Variants in NTRK2 observed in about 807,000 individuals in gnomAD.
NTRK2 encodes BDNF/NT-3 growth factors receptor.
NTRK2 carries 13 observed loss-of-function variants against 94.5 expected under a neutral mutation model. The ratio of observed to expected loss-of-function variants is 0.14; its 90% CI spans 0.09 to 0.22. The LOEUF (loss-of-function observed/expected upper bound fraction) is 0.22. Ranked by LOEUF, NTRK2 falls within the 10% of genes least tolerant of loss-of-function variation. The pLI is 1.00. For missense variants in NTRK2, 639 were observed against 1,071.2 expected, an observed-to-expected ratio of 0.60 and a Z score of 5.63; for synonymous variants, 372 against 407.4, an observed-to-expected ratio of 0.91 and a Z score of 1.05.
At position 84,723,222 on chromosome 9, in the gene NTRK2, C is replaced by G. The variant is rs185719154; in HGVS notation, c.584-351C>G. 2.4e-3 allele frequency among the ~76,000 whole-genome samples: 365 copies of G among 152,262 alleles called. 2 individuals are homozygous for G. Among genetic ancestry groups the G allele is most frequent in the African/African-American group, 8.0e-3 (333 of 41,558 alleles). ...GGAAATAAAAGACATGATGTCAGTC[C>G]TTATGTACAATCTCTGTTTATGTGC... On this transcript the variant is annotated intron_variant, in intron 6 of 18. Transcript: ENST00000277120.
chr9:84,701,721 G>A (rs7035803), intron 2 of NTRK2, among the ~76,000 whole-genome samples: 1 of 152,266 alleles, frequency 6.6e-6, no homozygotes, highest in Non-Finnish European at 1.5e-5. Context: ...AGGTAAAGGA[G>A]GGAGTGGCTG....
chr9:84,844,643 CCTCACTCA>C (rs1425237989), intron 12 of NTRK2, among the ~76,000 whole-genome samples: 1 of 111,630 alleles, frequency 9.0e-6, no homozygotes, highest in African/African-American at 3.5e-5. Flanking sequence ...CAATGTAATA[CCTCACTCA>C]CACACACACA....
At chr9:84,970,535 T>C (rs770758190) in intron 17 of NTRK2, among the ~76,000 whole-genome samples, 15 of 152,206 alleles carry the variant, frequency 9.9e-5, no homozygotes, top group Non-Finnish European at 2.2e-4. Context: ...TATCTGTGCA[T>C]ACAGAAAGAG....
At chr9:84,833,944 C>A (rs2073723104) in intron 12 of NTRK2, among the ~76,000 whole-genome samples, 1 of 152,140 alleles carries the variant, frequency 6.6e-6, no homozygotes, top group South Asian at 2.1e-4. Flanking sequence ...CAGGAGGATG[C>A]CCGGGTGAGG....
intron 7 of NTRK2, 115 bp from the exon 8 acceptor site, chr9:84,724,109 G>A: frequency 9.0e-7 from 1 of 1,105,600 alleles, no homozygotes; most frequent in Non-Finnish European, 1.4e-6. Context: ...AGGCAGAGAA[G>A]CTTTTCTAAT....
intron 15 of NTRK2, among the ~76,000 whole-genome samples, chr9:84,944,221 A>T (rs949274504): frequency 4.8e-4 from 60 of 124,292 alleles, no homozygotes; most frequent in African/African-American, 1.1e-3. Flanking sequence ...TCTCTCACAC[A>T]CACACACACA....
At chr9:84,708,043 T>G in intron 5 of NTRK2, 131 bp downstream of exon 5, 1 of 739,324 alleles carries the variant, frequency 1.4e-6, no homozygotes, top group Admixed American at 2.0e-5. Flanking sequence ...TTTCTCAAGT[T>G]TCAGTCTCTC....
At chr9:85,007,713 A>C (rs1831125838) in intron 17 of NTRK2, among the ~76,000 whole-genome samples, 1 of 152,222 alleles carries the variant, frequency 6.6e-6, no homozygotes, top group Admixed American at 6.5e-5. Context: ...AGAAAAATGA[A>C]GACCCTCTTA....
intron 11 of NTRK2, among the ~76,000 whole-genome samples, chr9:84,749,735 AG>A (rs2064417245): frequency 2.0e-5 from 3 of 152,204 alleles, no homozygotes; most frequent in African/African-American, 4.8e-5. Flanking sequence ...TTACACATGA[AG>A]ATTATGAGAT....
At chr9:84,923,854 C>T (rs1052212166) in intron 14 of NTRK2, among the ~76,000 whole-genome samples, 6 of 151,836 alleles carry the variant, frequency 4.0e-5, no homozygotes, top group South Asian at 2.1e-4. Flanking sequence ...GAACTGAGAT[C>T]GCGCCACTGC....
chr9:84,799,216 A>C (rs914332943), intron 12 of NTRK2, among the ~76,000 whole-genome samples: 1 of 151,806 alleles, frequency 6.6e-6, no homozygotes, highest in African/African-American at 2.4e-5. Context: ...AATTAGAACA[A>C]GACTTTCATT....
At chr9:84,690,730 T>TA (rs886321791) in intron 2 of NTRK2, among the ~76,000 whole-genome samples, 8 of 150,616 alleles carry the variant, frequency 5.3e-5, no homozygotes, top group East Asian at 1.9e-4. Context: ...AAAAAAAAAA[T>TA]AAAAAAAATG....
rs113935892 is a variant in NTRK2, at chr9:84,739,391, C to T, written c.1160-2501C>T. 5.4e-3 allele frequency among the ~76,000 whole-genome samples: 818 copies of T among 152,270 alleles called. 9 individuals are homozygous for T. Among genetic ancestry groups the T allele is most frequent in the African/African-American group, 0.019 (776 of 41,564 alleles). On this transcript the variant is annotated intron_variant, in intron 9 of 18. Coordinates refer to ENST00000277120, the MANE Select transcript of NTRK2 (RefSeq NM_006180.6). ...GATTATGGGCTAACGTCTTTATTTACGATTGGACCCCAAATCCCATTTTTC... is the reference window on the plus strand; with the variant it reads ...GATTATGGGCTAACGTCTTTATTTATGATTGGACCCCAAATCCCATTTTTC...
At chr9:84,792,226 A>C (rs2068809599) in intron 12 of NTRK2, among the ~76,000 whole-genome samples, 1 of 152,244 alleles carries the variant, frequency 6.6e-6, no homozygotes, top group African/African-American at 2.4e-5. Flanking sequence ...GAGACAGTTC[A>C]CATTTTTATT....
intron 2 of NTRK2, among the ~76,000 whole-genome samples, chr9:84,675,614 A>G (rs945854731): frequency 6.6e-6 from 1 of 152,054 alleles, no homozygotes; most frequent in African/African-American, 2.4e-5. Flanking sequence ...GGGAGAGACT[A>G]TTGAAGCATG....
intron 11 of NTRK2, 130 bp downstream of exon 11, chr9:84,745,203 G>A: frequency 1.4e-6 from 1 of 736,622 alleles, no homozygotes; most frequent in Admixed American, 2.0e-5. Context: ...ACCTAGGTTG[G>A]AAGAATTAAT....
At chr9:84,954,170 G>C (rs1473308224) in intron 16 of NTRK2, among the ~76,000 whole-genome samples, 1 of 152,256 alleles carries the variant, frequency 6.6e-6, no homozygotes, top group Non-Finnish European at 1.5e-5. Flanking sequence ...CGTCTTGAGA[G>C]AGATCTTTCC....
intron 12 of NTRK2, among the ~76,000 whole-genome samples, chr9:84,754,470 C>T (rs986366661): frequency 7.2e-5 from 11 of 152,176 alleles, no homozygotes; most frequent in African/African-American, 2.6e-4. Flanking sequence ...GTATCAAGTG[C>T]AGATGAAACT....
chr9:84,674,511 A>G (rs1386799389), intron 2 of NTRK2, among the ~76,000 whole-genome samples: 1 of 152,204 alleles, frequency 6.6e-6, no homozygotes, highest in East Asian at 1.9e-4. Context: ...ATTCAGTGAA[A>G]GGCATCAATT....
Sources: gnomAD v4.1 joint callset for allele counts (sites outside exome capture counted in the v4.1 genomes callset) on GRCh38, gnomAD v4.1.1 for gene constraint, MANE v1.5 for transcripts, NCBI Gene and HGNC (gene_info 2026-07-23, HGNC 2026-07-21) for gene names.